ZNF541: variants seen among roughly 807,000 people sequenced by gnomAD.
ZNF541 encodes zinc finger protein 541.
ZNF541 carries 23 observed loss-of-function variants against 123.5 expected under a neutral mutation model. The observed-to-expected ratio is 0.19, with a 90% CI of 0.13 to 0.26. The LOEUF (loss-of-function observed/expected upper bound fraction) is 0.26, where lower values mean the gene tolerates loss of function less well. Ranked by LOEUF, ZNF541 falls within the 10% of genes least tolerant of loss-of-function variation. The pLI is 1.00. For synonymous variants in ZNF541, 751 were observed against 754.5 expected (o/e 1.00, Z 0.08); for missense variants, 1,612 against 1,789.9 (o/e 0.90, Z 1.79).
Position 47,538,436 on chromosome 19 carries a change from G to C in ZNF541, c.2800C>G (p.Gln934Glu). The C allele has an allele frequency of 6.6e-7, 1 of 1,507,418 alleles. No individual in the cohort carries two copies. The highest frequency in any genetic ancestry group is 8.9e-7 in the Non-Finnish European group (1 of 1,126,400). The allele number at this position is 1,507,418 out of a possible 1,614,324, so 93.4% of individuals were successfully genotyped here. The change falls in exon 9 of 17, where the codon CAA (glutamine) becomes GAA (glutamate). Residue 934 changes from glutamine (Q) to glutamate (E), a missense_variant. Around this residue, in one of 5 missense-constraint regions of ZNF541, gnomAD observed 1,080 missense variants for 1,013.8 expected, o/e 1.07. Coordinates refer to ENST00000391901, the MANE Select transcript of ZNF541 (RefSeq NM_001277075.3). ...TCTCGCTCCTCCCCGTCTTTCTCTT[G>C]TCCCTGAAGAAGTTTAGAACCACAG... is the stretch of plus-strand genomic sequence containing the variant. ...TRHIGSMAMG[Q>E]EKDGEERDSK... is the part of the protein sequence containing the mutation.
chr19:47,549,544 G>C (rs200995960), intron 3 of ZNF541, 59 bp from the exon 4 acceptor site: 1 of 1,544,022 alleles, frequency 6.5e-7, no homozygotes, highest in Non-Finnish European at 8.7e-7. Context: ...CGAAAAGCAC[G>C]ACTAAGGCAC....
chr19:47,559,120 C>T (rs1460455738), intron 2 of ZNF541, among the ~76,000 whole-genome samples: 1 of 151,914 alleles, frequency 6.6e-6, no homozygotes, highest in East Asian at 2.0e-4. Flanking sequence ...CCTGTAATCC[C>T]AGCACTCTGG....
rs1375917826 is a variant in ZNF541 at position 47,521,493 on chromosome 19, G to A, written c.3873C>T (p.Cys1291=). The A allele has an allele frequency of 7.1e-6, 11 of 1,551,594 alleles. No homozygotes were observed. In the South Asian group the frequency reaches 1.3e-4, roughly 18 times the overall value. ...AAGCTGGGTACCTTTCACACTCTCTGCATGGAAAAATGCCCTGGCTCTCTG... is the reference window on the plus strand; with the variant it reads ...AAGCTGGGTACCTTTCACACTCTCTACATGGAAAAATGCCCTGGCTCTCTG... ...GSAESQGIFP[C]RECERVFDKI... The change falls in exon 16 of 17, where the codon TGC becomes TGT. Residue 1291 remains cysteine, a synonymous_variant. Coordinates refer to ENST00000391901, the MANE Select transcript of ZNF541 (RefSeq NM_001277075.3). The surrounding 1 kb of genome is among the most constrained non-coding windows in gnomAD (Gnocchi z 4.2).
chr19:47,537,535 G>A (rs1969876215), intron 9 of ZNF541, among the ~76,000 whole-genome samples: 1 of 146,628 alleles, frequency 6.8e-6, no homozygotes, highest in African/African-American at 2.6e-5. Context: ...CTGCACTCTG[G>A]CCTGGGTGAT....
chr19:47,555,038 G>A (rs566418428), intron 3 of ZNF541, among the ~76,000 whole-genome samples: 1 of 149,596 alleles, frequency 6.7e-6, no homozygotes, highest in South Asian at 2.1e-4. Flanking sequence ...AGGTTGCAGT[G>A]AGCCAAGAAT....
intron 10 of ZNF541, among the ~76,000 whole-genome samples, chr19:47,532,533 A>C (rs934653650): frequency 1.1e-4 from 17 of 152,026 alleles, no homozygotes; most frequent in Admixed American, 2.0e-4. Context: ...GGGAGGTACA[A>C]GCTGACACCC....
At chr19:47,532,851 G>A in intron 10 of ZNF541, 58 bp downstream of exon 10, 2 of 1,510,752 alleles carry the variant, frequency 1.3e-6, no homozygotes, top group Non-Finnish European at 1.8e-6. Flanking sequence ...CTTGGGAAAA[G>A]TGACACTAGA....
intron 2 of ZNF541, among the ~76,000 whole-genome samples, chr19:47,570,576 T>TAA (rs35955168): frequency 1.2e-4 from 7 of 58,828 alleles, no homozygotes; most frequent in Admixed American, 4.3e-4. Flanking sequence ...GACTCTGTCC[T>TAA]AAAAAAAAAA....
Position 47,545,184 on chromosome 19 carries a change from G to A in ZNF541, c.1345C>T (p.Pro449Ser), listed in dbSNP as rs1432325340. Residue 449 changes from proline (P) to serine (S), a missense_variant, in exon 5 of 17, where the codon CCG becomes TCG. Transcript: ENST00000391901. This position sits in a 1 kb window ranked among gnomAD's most constrained non-coding sequence, Gnocchi z 7.5. ...VPSREGSESG[P>S]GPSSGSPSEE... ...GAGGGGCTTCCGCTGCTGGGTCCCG[G>A]GCCAGACTCGGAGCCCTCCCGCGAG... 1 of 1,513,726 alleles carries A rather than the reference G, an allele frequency of 6.6e-7. No homozygotes were observed. The highest frequency in any genetic ancestry group is 2.1e-5 in the Admixed American group (1 of 47,554). The allele number at this position is 1,513,726 out of a possible 1,614,324, so 93.8% of individuals were successfully genotyped here. A position where few individuals can be genotyped will look rare whatever the true frequency, so the allele number is the denominator to read the frequency against.
chr19:47,570,906 C>G (rs1166853137), intron 2 of ZNF541, among the ~76,000 whole-genome samples: 2 of 150,212 alleles, frequency 1.3e-5, no homozygotes, highest in African/African-American at 4.9e-5. Context: ...CGAGATCGCA[C>G]CACTGCACTC....
Position 47,545,828 on chromosome 19 carries a change from T to C in ZNF541, c.701A>G (p.Glu234Gly). Residue 234 changes from glutamate to glycine, a missense_variant, in exon 5 of 17, where the codon GAG becomes GGG. By Grantham distance (98) the Glu-to-Gly change is moderately conservative (BLOSUM62 -2). This residue lies in a region of ZNF541 where 1,080 missense variants were observed against 1,013.8 expected (regional missense o/e 1.07). Coordinates refer to ENST00000391901, the MANE Select transcript of ZNF541 (RefSeq NM_001277075.3). The surrounding 1 kb of genome is among the most constrained non-coding windows in gnomAD (Gnocchi z 7.5). The stretch of plus-strand genomic sequence containing the variant: ...GGCGTGGGGGGAGTCCCCGCAGGCC[T>C]CTTCCTCCGGGGGGGCTTCCTTCAG... ...CILKEAPPEE[E>G]ACGDSPHAHE... is the part of the protein sequence containing the mutation. The C allele has an allele frequency of 6.5e-7, 1 of 1,548,286 alleles. No individual in the cohort carries two copies. Among genetic ancestry groups the C allele is most frequent in the South Asian group, 1.2e-5 (1 of 83,938 alleles).
rs186940765 is a variant in ZNF541, at chr19:47,571,822, A to G, written c.-99+74T>C. 1.3e-4 allele frequency among the ~76,000 whole-genome samples: 20 copies of G among 152,156 alleles called. No individual in the cohort carries two copies. In the East Asian group the frequency reaches 2.9e-3, roughly 22 times the overall value. ...GTACGGACTTTGGTATTGCTTAGAA[A>G]CCCTCTTGAGAAAGAACGAGATCTA... On this transcript the variant is annotated intron_variant, in intron 2 of 16. Transcript: ENST00000391901.
intron 2 of ZNF541, among the ~76,000 whole-genome samples, chr19:47,564,195 G>C (rs1263010433): frequency 6.6e-6 from 1 of 152,112 alleles, no homozygotes; most frequent in Non-Finnish European, 1.5e-5. Context: ...CTGGGTCAGG[G>C]GGAAGAATGT....
chr19:47,537,959 A>G (rs1010593233), intron 9 of ZNF541, among the ~76,000 whole-genome samples, 183 bp downstream of exon 9: 4 of 152,156 alleles, frequency 2.6e-5, no homozygotes, highest in East Asian at 1.9e-4. Context: ...CGGGCTGTAA[A>G]ATTCTATGCA....
chr19:47,537,982 T>G (rs1969900744), intron 9 of ZNF541, among the ~76,000 whole-genome samples, 160 bp downstream of exon 9: 1 of 152,178 alleles, frequency 6.6e-6, no homozygotes, highest in African/African-American at 2.4e-5. Flanking sequence ...AGAAGGCACT[T>G]AGATCAGTCC....
At chr19:47,531,980 A>G in intron 11 of ZNF541, 148 bp downstream of exon 11, 1 of 1,133,184 alleles carries the variant, frequency 8.8e-7, no homozygotes, top group South Asian at 1.6e-5. Flanking sequence ...GGGAAGAAGC[A>G]ACGCTGGCCA....
Position 47,521,018 on chromosome 19 carries a change from A to C in ZNF541, c.*206T>G. On this transcript the variant is annotated 3_prime_UTR_variant, in exon 17 of 17. Transcript: ENST00000391901. The surrounding 1 kb of genome is among the most constrained non-coding windows in gnomAD (Gnocchi z 4.2). ...ACCTAAGGAGAGTGGAGCCTCCAGC[A>C]CCACCGGACAGGGACTGCATAGCTG... The C allele has an allele frequency of 1.7e-6, 1 of 594,974 alleles. No individual in the cohort carries two copies. The highest frequency in any genetic ancestry group is 2.8e-5 in the East Asian group (1 of 35,384). 36.9% of individuals were successfully genotyped at this position (594,974 alleles called of 1,614,324 possible). A position where few individuals can be genotyped will look rare whatever the true frequency, so the allele number is the denominator to read the frequency against.
chr19:47,571,392 G>T (rs1415476226), intron 2 of ZNF541, among the ~76,000 whole-genome samples: 1 of 152,184 alleles, frequency 6.6e-6, no homozygotes, highest in East Asian at 1.9e-4. Context: ...GAGCCACTGC[G>T]CCCAGCCTAC....
At chr19:47,541,764 T>C (rs191903687) in intron 5 of ZNF541, among the ~76,000 whole-genome samples, 1 of 152,262 alleles carries the variant, frequency 6.6e-6, no homozygotes, top group Admixed American at 6.5e-5. Context: ...CAATAACAAG[T>C]GTTAGTGAGG....
Sources: gnomAD v4.1 joint callset for allele counts (sites outside exome capture counted in the v4.1 genomes callset) on GRCh38, gnomAD v4.1.1 for gene constraint, gnomAD v4.1.1 regional missense constraint, Gnocchi (gnomAD v3.1) non-coding constraint, MANE v1.5 for transcripts, NCBI Gene and HGNC (gene_info 2026-07-23, HGNC 2026-07-21) for gene names.